KAZN: variants seen among roughly 807,000 people sequenced by gnomAD.
KAZN encodes the protein kazrin, periplakin interacting protein, also known as kazrin.
A neutral mutation model predicts 87.4 loss-of-function variants in KAZN; 40 were observed. That is an observed-to-expected ratio of 0.46 (90% CI 0.36 to 0.60). KAZN has a LOEUF of 0.60. Ranked by LOEUF, KAZN falls within the 20% of genes least tolerant of loss-of-function variation. The pLI, the probability that KAZN is intolerant of heterozygous loss-of-function variation, is 0.00. For synonymous variants in KAZN, 466 were observed against 458.3 expected (o/e 1.02, Z -0.22); for missense variants, 898 against 1,073.9 (o/e 0.84, Z 2.29).
At chr1:14,875,783 C>T (rs900247829) in intron 1 of KAZN, among the ~76,000 whole-genome samples, 1 of 152,212 alleles carries the variant, frequency 6.6e-6, no homozygotes, top group Non-Finnish European at 1.5e-5. Context: ...TTGTTAAACA[C>T]TTGCCAGTAC....
intron 1 of KAZN, among the ~76,000 whole-genome samples, chr1:14,789,974 C>G (rs1311663557): frequency 6.6e-6 from 1 of 151,702 alleles, no homozygotes; most frequent in Non-Finnish European, 1.5e-5. Flanking sequence ...GTCACCATAT[C>G]TTGGCATTCC....
At chr1:14,045,380 G>A (rs1238134920) in intron 1 of KAZN, among the ~76,000 whole-genome samples, 3 of 152,106 alleles carry the variant, frequency 2.0e-5, no homozygotes, top group African/African-American at 4.8e-5. Context: ...TTAAAACTAG[G>A]GACTCTGAAC....
intron 2 of KAZN, among the ~76,000 whole-genome samples, chr1:14,383,408 G>A (rs1210458492): frequency 6.6e-6 from 1 of 152,006 alleles, no homozygotes; most frequent in Non-Finnish European, 1.5e-5. Flanking sequence ...CATCCTGAAT[G>A]GTAAAGCCTA....
intron 1 of KAZN, among the ~76,000 whole-genome samples, chr1:13,929,827 T>C (rs1486528344): frequency 6.6e-6 from 1 of 152,214 alleles, no homozygotes; most frequent in Non-Finnish European, 1.5e-5. Context: ...GACCTTGTGC[T>C]AAATGCTTTG....
At chr1:14,774,794 A>AT (rs111908390) in intron 1 of KAZN, among the ~76,000 whole-genome samples, 15 of 151,996 alleles carry the variant, frequency 9.9e-5, no homozygotes, top group South Asian at 6.3e-4. Flanking sequence ...CCTTGAGCAG[A>AT]TTTTTTTATC....
chr1:14,982,240 G>A (rs1027737261), intron 2 of KAZN, among the ~76,000 whole-genome samples: 2 of 152,072 alleles, frequency 1.3e-5, no homozygotes, highest in Admixed American at 6.5e-5. Flanking sequence ...CGATCCACAC[G>A]CCTGACCACT....
intron 2 of KAZN, among the ~76,000 whole-genome samples, chr1:14,421,255 G>T (rs1665408121): frequency 6.6e-6 from 1 of 152,122 alleles, no homozygotes; most frequent in African/African-American, 2.4e-5. Context: ...TGGAGTGATG[G>T]GGGGAATGGT....
intron 8 of KAZN, among the ~76,000 whole-genome samples, chr1:15,069,172 C>G (rs574090650): frequency 6.6e-6 from 1 of 152,142 alleles, no homozygotes; most frequent in Admixed American, 6.5e-5. Flanking sequence ...TGCCCCTACT[C>G]CCCTCTCCCT....
At chr1:14,479,475 C>T (rs1484478074) in intron 2 of KAZN, among the ~76,000 whole-genome samples, 5 of 152,162 alleles carry the variant, frequency 3.3e-5, no homozygotes, top group South Asian at 4.1e-4. Flanking sequence ...CACTTGTGGC[C>T]GCTCCCTGCT....
chr1:15,067,877 T>A (rs1327915577), intron 8 of KAZN: 6 of 950,656 alleles, frequency 6.3e-6, no homozygotes, highest in Non-Finnish European at 7.5e-6. Flanking sequence ...TTCTGGTTGA[T>A]TTTTATCATT....
At chr1:14,328,082 T>G (rs906700947) in intron 2 of KAZN, among the ~76,000 whole-genome samples, 46 of 152,216 alleles carry the variant, frequency 3.0e-4, no homozygotes, top group African/African-American at 1.1e-3. Context: ...TCACCCACTA[T>G]AGACCAGGCG....
intron 2 of KAZN, among the ~76,000 whole-genome samples, chr1:14,988,407 G>A (rs1162873093): frequency 6.6e-6 from 1 of 152,224 alleles, no homozygotes; most frequent in Non-Finnish European, 1.5e-5. Flanking sequence ...GCCTGAGCAG[G>A]ACTAGGACTC....
chr1:14,163,904 GT>G (rs1451772527), intron 1 of KAZN, among the ~76,000 whole-genome samples: 1 of 152,130 alleles, frequency 6.6e-6, no homozygotes. Flanking sequence ...ATTTTCCTCG[GT>G]TTTCCTTATG....
rs760556116 is a variant in KAZN, at chr1:14,598,923, G to C, written c.-75G>C. The C allele has an allele frequency of 1.3e-6, 2 of 1,552,686 alleles. No homozygotes were observed. Among genetic ancestry groups the C allele is most frequent in the East Asian group, 5.4e-5 (2 of 37,272 alleles). The stretch of plus-strand genomic sequence containing the variant: ...GAGGACACAACAGGTAGAGCCGGGG[G>C]TGCCCGGCCGCGCGCCCCCCGCGCA... On this transcript the variant is annotated 5_prime_UTR_variant, in exon 1 of 15. Transcript: ENST00000376030. The surrounding 1 kb of genome is among the most constrained non-coding windows in gnomAD (Gnocchi z 4.2).
In KAZN at chr1:14,599,975, G is replaced by A. The variant is rs1676826646; in HGVS notation, c.226+752G>A. Among the ~76,000 whole-genome samples the A allele has an allele frequency of 6.6e-6, 1 of 152,274 alleles. No homozygotes were observed. The highest frequency in any genetic ancestry group is 2.1e-4 in the South Asian group (1 of 4,820). ...AGGAAGAAAAAGACAGTTGGTTTGTGTTCACATTGACAGAGATTAAGCTCT... is the reference window on the plus strand; with the variant it reads ...AGGAAGAAAAAGACAGTTGGTTTGTATTCACATTGACAGAGATTAAGCTCT... On this transcript the variant is annotated intron_variant, in intron 1 of 14. Transcript: ENST00000376030. This position sits in a 1 kb window ranked among gnomAD's most constrained non-coding sequence, Gnocchi z 4.4.
intron 1 of KAZN, among the ~76,000 whole-genome samples, chr1:14,132,075 G>T (rs1357836473): frequency 1.3e-5 from 2 of 152,090 alleles, no homozygotes; most frequent in Non-Finnish European, 2.9e-5. Flanking sequence ...GTCAATAAAA[G>T]ATATATAATG....
chr1:15,051,653 G>A (rs746451026), intron 4 of KAZN, among the ~76,000 whole-genome samples: 21 of 152,220 alleles, frequency 1.4e-4, no homozygotes, highest in Non-Finnish European at 2.4e-4. Context: ...ACGAAGGCAC[G>A]GAGAGGTGTG....
At chr1:13,969,651 T>C (rs971361189) in intron 1 of KAZN, among the ~76,000 whole-genome samples, 3 of 152,128 alleles carry the variant, frequency 2.0e-5, no homozygotes, top group Non-Finnish European at 4.4e-5. Flanking sequence ...TTCCTTCTGC[T>C]TGGAGTGCCC....
At chr1:14,064,975 CT>C (rs1205814976) in intron 1 of KAZN, among the ~76,000 whole-genome samples, 1 of 152,192 alleles carries the variant, frequency 6.6e-6, no homozygotes, top group Non-Finnish European at 1.5e-5. Context: ...AACATGTGTC[CT>C]TTAGCCTCCT....
Sources: gnomAD v4.1 joint callset for allele counts (sites outside exome capture counted in the v4.1 genomes callset) on GRCh38, gnomAD v4.1.1 for gene constraint, Gnocchi (gnomAD v3.1) non-coding constraint, MANE v1.5 for transcripts, NCBI Gene and HGNC (gene_info 2026-07-23, HGNC 2026-07-21) for gene names.